GRID2: variants seen among roughly 807,000 people sequenced by gnomAD.
GRID2 encodes the protein glutamate receptor ionotropic, delta-2.
Under a neutral mutation model 114.8 loss-of-function variants are expected in GRID2, and 33 were observed. The observed-to-expected ratio is 0.29, with a 90% CI of 0.22 to 0.38. The LOEUF is 0.38. Among genes scored for constraint, GRID2 ranks in the 10% least tolerant of loss-of-function variants. The pLI is 1.00. For synonymous variants in GRID2, 505 were observed against 449.9 expected (o/e 1.12, Z -1.55); for missense variants, 1,184 against 1,257.7 (o/e 0.94, Z 0.89).
intron 5 of GRID2, among the ~76,000 whole-genome samples, chr4:93,212,803 A>T (rs1743704299): frequency 6.9e-6 from 1 of 145,042 alleles, no homozygotes; most frequent in African/African-American, 2.6e-5. Flanking sequence ...ACAGAGTTTT[A>T]CTCTTGTCAC....
At chr4:92,385,318 G>A (rs1579277922) in intron 1 of GRID2, among the ~76,000 whole-genome samples, 1 of 142,728 alleles carries the variant, frequency 7.0e-6, no homozygotes, top group Admixed American at 6.7e-5. Flanking sequence ...CAAATTGTCA[G>A]TGTTTTGTTG....
At chr4:93,387,235 G>A (rs113757161) in intron 8 of GRID2, among the ~76,000 whole-genome samples, 162 of 152,206 alleles carry the variant, frequency 1.1e-3, no homozygotes, top group Admixed American at 1.6e-3. Context: ...ACATAGATTA[G>A]GTATTACTCT....
At chr4:93,624,309 A>G (rs1742490753) in intron 13 of GRID2, among the ~76,000 whole-genome samples, 1 of 152,166 alleles carries the variant, frequency 6.6e-6, no homozygotes. Context: ...ATTTTTTCCT[A>G]ATAGATTGCA....
chr4:93,205,196 C>T (rs1401698334), intron 4 of GRID2, among the ~76,000 whole-genome samples: 1 of 151,628 alleles, frequency 6.6e-6, no homozygotes, highest in Non-Finnish European at 1.5e-5. Context: ...TAAGGATTAC[C>T]ATTACTGGTA....
Position 93,422,754 on chromosome 4 carries a change from C to A in GRID2, c.1348-17C>A. Reference sequence around the variant, plus strand: ...CACTATAGATTGACATCAGAAATTTCTCTTATTTCCATGTAGGAAGAACCT... The same window carrying A: ...CACTATAGATTGACATCAGAAATTTATCTTATTTCCATGTAGGAAGAACCT... On this transcript the variant is annotated splice_polypyrimidine_tract_variant and intron_variant, in intron 9 of 15. Transcript: ENST00000282020. 2 of 1,556,008 alleles carry A rather than the reference C, an allele frequency of 1.3e-6. No homozygotes were observed. Among genetic ancestry groups the A allele is most frequent in the Non-Finnish European group, 8.9e-7 (1 of 1,128,114 alleles).
At chr4:93,267,313 A>C (rs1750962926) in intron 8 of GRID2, among the ~76,000 whole-genome samples, 1 of 152,074 alleles carries the variant, frequency 6.6e-6, no homozygotes, top group African/African-American at 2.4e-5. Context: ...CTGGGCTGGG[A>C]AAGCCTGCAC....
intron 1 of GRID2, among the ~76,000 whole-genome samples, chr4:92,321,012 T>C (rs1306095958): frequency 2.0e-5 from 3 of 152,200 alleles, no homozygotes; most frequent in South Asian, 4.1e-4. Flanking sequence ...ATTTCTTTTA[T>C]AGTTTCATAT....
chr4:92,309,363 T>C (rs183030406), intron 1 of GRID2, among the ~76,000 whole-genome samples: 3 of 152,120 alleles, frequency 2.0e-5, no homozygotes, highest in East Asian at 1.9e-4. Context: ...GATATTCACA[T>C]TTCTATTGGA....
chr4:93,420,726 T>TTTTA lies in GRID2; in HGVS notation c.1348-2044_1348-2041dup, dbSNP rs1358084536. ...GGAAATTTATTTGTTTATTTATTATTTTTACTTATTTATTTATTTATTTAT... is the reference window on the plus strand; with the variant it reads ...GGAAATTTATTTGTTTATTTATTATTTTTATTTACTTATTTATTTATTTATTTAT... On this transcript the variant is annotated intron_variant, in intron 9 of 15. Coordinates refer to ENST00000282020, the MANE Select transcript of GRID2 (RefSeq NM_001510.4). 1.2e-3 allele frequency among the ~76,000 whole-genome samples: 125 copies of TTTTA among 107,506 alleles called. 1 individual carries two copies. Among genetic ancestry groups the TTTTA allele is most frequent in the African/African-American group, 3.9e-3 (111 of 28,152 alleles). 70.5% of individuals were successfully genotyped at this position (107,506 alleles called of 152,430 possible). A position where few individuals can be genotyped will look rare whatever the true frequency, so the allele number is the denominator to read the frequency against.
intron 2 of GRID2, among the ~76,000 whole-genome samples, chr4:92,890,589 C>T (rs560666993): frequency 6.6e-6 from 1 of 152,058 alleles, no homozygotes; most frequent in Non-Finnish European, 1.5e-5. Context: ...GTTAGAATGG[C>T]AATCATTCAA....
At chr4:93,555,459 G>A (rs1016086476) in intron 13 of GRID2, among the ~76,000 whole-genome samples, 2 of 152,114 alleles carry the variant, frequency 1.3e-5, no homozygotes, top group African/African-American at 2.4e-5. Flanking sequence ...TTGAGTAGGG[G>A]GTTTTCCCCT....
chr4:93,287,769 T>A (rs1017365182), intron 8 of GRID2, among the ~76,000 whole-genome samples: 2 of 152,212 alleles, frequency 1.3e-5, no homozygotes, highest in Non-Finnish European at 1.5e-5. Flanking sequence ...GAGAGCATGT[T>A]CACTATATTC....
chr4:93,115,421 A>G (rs1733150675), intron 4 of GRID2, among the ~76,000 whole-genome samples: 1 of 151,794 alleles, frequency 6.6e-6, no homozygotes. Flanking sequence ...ACACACACAC[A>G]CATTTTTATT....
At chr4:92,707,930 A>G (rs568164687) in intron 2 of GRID2, among the ~76,000 whole-genome samples, 6 of 152,278 alleles carry the variant, frequency 3.9e-5, no homozygotes, top group African/African-American at 1.4e-4. Flanking sequence ...AAACCAACGA[A>G]CAAACTTAAT....
chr4:92,547,882 G>A (rs971020602), intron 1 of GRID2, among the ~76,000 whole-genome samples: 8 of 152,140 alleles, frequency 5.3e-5, no homozygotes, highest in African/African-American at 1.9e-4. Context: ...CAACATAGTT[G>A]AAGGAAATGA....
At chr4:93,272,303 A>T (rs769007783) in intron 8 of GRID2, among the ~76,000 whole-genome samples, 1 of 152,220 alleles carries the variant, frequency 6.6e-6, no homozygotes, top group African/African-American at 2.4e-5. Context: ...TCAGGTGGCA[A>T]ACTTTGTGAA....
intron 13 of GRID2, among the ~76,000 whole-genome samples, chr4:93,588,591 A>C (rs1737781541): frequency 1.3e-5 from 2 of 152,260 alleles, no homozygotes; most frequent in South Asian, 4.1e-4. Flanking sequence ...CCATCAGCTA[A>C]TGCTCTCATT....
intron 1 of GRID2, among the ~76,000 whole-genome samples, chr4:92,484,207 A>C (rs1346975320): frequency 6.6e-6 from 1 of 152,182 alleles, no homozygotes; most frequent in Non-Finnish European, 1.5e-5. Flanking sequence ...TAACCTACCC[A>C]AAGTCACAAA....
rs1388883648 is a variant in GRID2, at chr4:93,103,912, AT to A, written c.530-6821del. Among the ~76,000 whole-genome samples the A allele has an allele frequency of 9.4e-3, 1,248 of 132,868 alleles. 2 individuals are homozygous for A. The highest frequency in any genetic ancestry group is 0.011 in the African/African-American group (412 of 35,988). The allele number at this position is 132,868 out of a possible 152,430, so 87.2% of individuals were successfully genotyped here. ...GAAATGGGATTGAGCAAAAATCTTC[AT>A]TTTTTTTTTTTTTTAAGTTTCAGCT... On this transcript the variant is annotated intron_variant, in intron 3 of 15. Transcript: ENST00000282020.
Sources: gnomAD v4.1 joint callset for allele counts (sites outside exome capture counted in the v4.1 genomes callset) on GRCh38, gnomAD v4.1.1 for gene constraint, MANE v1.5 for transcripts, NCBI Gene and HGNC (gene_info 2026-07-23, HGNC 2026-07-21) for gene names.